Variants in ABCC9 observed in about 807,000 individuals in gnomAD.
ABCC9 encodes ATP binding cassette subfamily C member 9, also known as ATP-binding cassette sub-family C member 9.
In ABCC9, 95 loss-of-function variants were observed where a neutral mutation model predicts 188.3. That is an observed-to-expected ratio of 0.50 (90% confidence interval 0.43 to 0.60). The LOEUF (loss-of-function observed/expected upper bound fraction) is 0.60, where lower values mean the gene tolerates loss of function less well. ABCC9 is among the 20% of genes least tolerant of loss of function. ABCC9 has a pLI of 0.00. For synonymous variants in ABCC9, 659 were observed against 652.7 expected (o/e 1.01, Z -0.15); for missense variants, 1,102 against 1,876.3 (o/e 0.59, Z 7.62).
intron 36 of ABCC9, among the ~76,000 whole-genome samples, chr12:21,810,956 C>A (rs560570546): frequency 4.6e-5 from 7 of 152,086 alleles, no homozygotes; most frequent in African/African-American, 1.7e-4. Context: ...CAAAATAGAA[C>A]AAAATATGGT....
intron 39 of ABCC9, among the ~76,000 whole-genome samples, chr12:21,802,302 C>T (rs1941491783): frequency 6.6e-6 from 1 of 152,080 alleles, no homozygotes. Context: ...ATGTCAACTA[C>T]TATTATTTTT....
At chr12:21,904,028 ATAC>A (rs2137820000) in intron 12 of ABCC9, among the ~76,000 whole-genome samples, 1 of 152,336 alleles carries the variant, frequency 6.6e-6, no homozygotes, top group Admixed American at 6.5e-5. Flanking sequence ...ACTTCAAACC[ATAC>A]TACAAGGCTA....
At chr12:21,849,277 G>T (rs2137421904) in intron 24 of ABCC9, among the ~76,000 whole-genome samples, 1 of 151,784 alleles carries the variant, frequency 6.6e-6, no homozygotes, top group South Asian at 2.1e-4. Flanking sequence ...ATTTTTTTTG[G>T]CCTCATACAA....
At chr12:21,824,276 G>A (rs1401191130) in intron 31 of ABCC9, among the ~76,000 whole-genome samples, 1 of 152,094 alleles carries the variant, frequency 6.6e-6, no homozygotes, top group East Asian at 1.9e-4. Context: ...TGGTTCTGTT[G>A]ATGTGATGGA....
intron 10 of ABCC9, 61 bp downstream of exon 10, chr12:21,910,096 A>G (rs1044375509): frequency 4.8e-6 from 7 of 1,456,864 alleles, no homozygotes; most frequent in Non-Finnish European, 4.8e-6. Flanking sequence ...TAAATACATT[A>G]CTGCTTTTTT....
At chr12:21,804,602 G>A (rs1419325161) in intron 39 of ABCC9, among the ~76,000 whole-genome samples, 1 of 152,228 alleles carries the variant, frequency 6.6e-6, no homozygotes, top group Admixed American at 6.5e-5. Flanking sequence ...GAACCACAGA[G>A]TTCACTGGAA....
chr12:21,877,231 C>A (rs704205), intron 16 of ABCC9, among the ~76,000 whole-genome samples: 101,462 of 152,100 alleles, frequency 0.67, 34,093 homozygotes, highest in South Asian at 0.81. Context: ...ATTATGGGCT[C>A]AGTACCAAAG....
intron 18 of ABCC9, among the ~76,000 whole-genome samples, chr12:21,870,378 T>C (rs951977378): frequency 6.6e-6 from 1 of 152,106 alleles, no homozygotes; most frequent in Non-Finnish European, 1.5e-5. Flanking sequence ...TGCCTCAGTC[T>C]CTCAAGTAAC....
chr12:21,826,992 C>A (rs777258623), intron 31 of ABCC9: 2 of 365,470 alleles, frequency 5.5e-6, no homozygotes, highest in Non-Finnish European at 7.6e-6. Flanking sequence ...TACAAAGTAA[C>A]CAAATGAATG....
chr12:21,845,467 T>G, intron 26 of ABCC9, 136 bp downstream of exon 26: 11 of 696,656 alleles, frequency 1.6e-5, no homozygotes, highest in Non-Finnish European at 2.5e-6. Flanking sequence ...CAGGTCCTGT[T>G]GTAATTATTA....
chr12:21,908,297 A>G, intron 10 of ABCC9, 86 bp from the exon 11 acceptor site: 1 of 1,462,114 alleles, frequency 6.8e-7, no homozygotes, highest in East Asian at 2.4e-5. Flanking sequence ...GTGCAAATGT[A>G]GTATTTCTTA....
chr12:21,810,013 T>C, intron 36 of ABCC9, 58 bp from the exon 37 acceptor site: 1 of 1,038,584 alleles, frequency 9.6e-7, no homozygotes, highest in East Asian at 2.4e-5. Flanking sequence ...CTTTTATGTA[T>C]ATTTGCTTAT....
chr12:21,854,108 T>C (rs1945107461), intron 22 of ABCC9, among the ~76,000 whole-genome samples: 1 of 152,198 alleles, frequency 6.6e-6, no homozygotes, highest in African/African-American at 2.4e-5. Context: ...AAATTTTCAG[T>C]TGAGCACAGT....
At chr12:21,902,259 G>A (rs1413024965) in intron 12 of ABCC9, among the ~76,000 whole-genome samples, 2 of 152,134 alleles carry the variant, frequency 1.3e-5, no homozygotes, top group South Asian at 2.1e-4. Context: ...CGAGAACAAA[G>A]ACACAACATA....
chr12:21,835,692 G>A (rs1015481768), intron 30 of ABCC9, among the ~76,000 whole-genome samples: 5 of 151,972 alleles, frequency 3.3e-5, no homozygotes, highest in African/African-American at 1.2e-4. Context: ...AAATTTTTCT[G>A]CAAGCTCCTC....
At chr12:21,861,612 A>G (rs1945511260) in intron 20 of ABCC9, among the ~76,000 whole-genome samples, 1 of 152,178 alleles carries the variant, frequency 6.6e-6, no homozygotes, top group South Asian at 2.1e-4. Flanking sequence ...CTTGTTAGGT[A>G]TTATAGTGGA....
intron 3 of ABCC9, among the ~76,000 whole-genome samples, 175 bp downstream of exon 3, chr12:21,936,358 C>T (rs1036942800): frequency 2.0e-5 from 3 of 152,110 alleles, no homozygotes; most frequent in Admixed American, 2.0e-4. Flanking sequence ...ATTTCACCTA[C>T]GGAAGATCAC....
At chr12:21,824,474 AGGTTTT>A (rs1565704117) in intron 31 of ABCC9, among the ~76,000 whole-genome samples, 2 of 152,116 alleles carry the variant, frequency 1.3e-5, no homozygotes, top group Non-Finnish European at 2.9e-5. Context: ...TGTCTCTACT[AGGTTTT>A]GGCATCAGGA....
intron 18 of ABCC9, among the ~76,000 whole-genome samples, chr12:21,866,326 C>G (rs1945778574): frequency 6.6e-6 from 1 of 152,148 alleles, no homozygotes; most frequent in Admixed American, 6.6e-5. Flanking sequence ...AGAAATATCA[C>G]TGTGATCACA....
Sources: gnomAD v4.1 joint callset for allele counts (sites outside exome capture counted in the v4.1 genomes callset) on GRCh38, gnomAD v4.1.1 for gene constraint, MANE v1.5 for transcripts, NCBI Gene and HGNC (gene_info 2026-07-23, HGNC 2026-07-21) for gene names.